The following KAZN variants were observed in gnomAD, a reference collection of about 807,000 sequenced individuals.
KAZN encodes kazrin, periplakin interacting protein.
Under a neutral mutation model 87.4 loss-of-function variants are expected in KAZN, and 40 were observed. The ratio of observed to expected loss-of-function variants is 0.46; its 90% CI spans 0.36 to 0.60. The LOEUF is 0.60. Ranked by LOEUF, KAZN falls within the 20% of genes least tolerant of loss-of-function variation. KAZN has a pLI of 0.00. For missense variants in KAZN, 898 were observed against 1,073.9 expected (o/e 0.84, Z 2.29); for synonymous variants, 466 against 458.3 (o/e 1.02, Z -0.22).
Position 14,962,178 on chromosome 1 carries a change from A to T in KAZN, c.418+1303A>T, listed in dbSNP as rs185918058. Among the ~76,000 whole-genome samples, 71 of 152,398 alleles carry T rather than the reference A, an allele frequency of 4.7e-4. 1 individual carries two copies. The East Asian group carries it at 0.014, about 29-fold the overall frequency. ...AGCAGGCCAAGAAGGCTATCTGTCC[A>T]GTGCCCAGCTGACTATCCCCCAGAA... On this transcript the variant is annotated intron_variant, in intron 2 of 14. Transcript: ENST00000376030.
chr1:14,554,099 G>A (rs1384367634), intron 2 of KAZN, among the ~76,000 whole-genome samples: 1 of 152,122 alleles, frequency 6.6e-6, no homozygotes, highest in African/African-American at 2.4e-5. Flanking sequence ...GAGGAACTTG[G>A]GGAAATCAGT....
intron 1 of KAZN, among the ~76,000 whole-genome samples, chr1:14,002,357 G>A (rs929589079): frequency 2.6e-5 from 4 of 152,222 alleles, no homozygotes; most frequent in Non-Finnish European, 5.9e-5. Context: ...CCCAGAGGGA[G>A]GTAATTGAAT....
rs752209211 is a variant in KAZN, at chr1:14,949,540, C to G, written c.227-11144C>G. Among the ~76,000 whole-genome samples, 1 of 152,170 alleles carries G rather than the reference C, an allele frequency of 6.6e-6. No individual in the cohort carries two copies. Among genetic ancestry groups the G allele is most frequent in the African/African-American group, 2.4e-5 (1 of 41,414 alleles). ...AGGTGCCTGCCTCTCCCACCCCCAC[C>G]CAGATGGTGTTTTTCGAGATTCACA... On this transcript the variant is annotated intron_variant, in intron 1 of 14. Transcript: ENST00000376030. This position sits in a 1 kb window ranked among gnomAD's most constrained non-coding sequence, Gnocchi z 4.3.
intron 2 of KAZN, among the ~76,000 whole-genome samples, chr1:14,964,100 A>G (rs1664185544): frequency 6.6e-6 from 1 of 152,170 alleles, no homozygotes; most frequent in African/African-American, 2.4e-5. Flanking sequence ...ATACGTGTAC[A>G]TGTGTCTCTA....
chr1:14,420,247 A>G (rs1474150344), intron 2 of KAZN, among the ~76,000 whole-genome samples: 1 of 152,194 alleles, frequency 6.6e-6, no homozygotes, highest in Non-Finnish European at 1.5e-5. Context: ...ACCATCCTCT[A>G]GCTAGACATA....
At chr1:14,034,344 C>T (rs566879836) in intron 1 of KAZN, among the ~76,000 whole-genome samples, 9 of 152,124 alleles carry the variant, frequency 5.9e-5, no homozygotes, top group Non-Finnish European at 8.8e-5. Flanking sequence ...AGACATCCTC[C>T]GGTGAGGCTG....
intron 1 of KAZN, among the ~76,000 whole-genome samples, chr1:14,867,956 A>AT (rs1156327735): frequency 2.0e-5 from 3 of 152,232 alleles, no homozygotes; most frequent in Non-Finnish European, 4.4e-5. Flanking sequence ...TAAGCACAGC[A>AT]TTGCATAGGC....
At chr1:14,698,805 G>A (rs561544344) in intron 1 of KAZN, among the ~76,000 whole-genome samples, 5 of 152,356 alleles carry the variant, frequency 3.3e-5, no homozygotes, top group African/African-American at 1.2e-4. Flanking sequence ...AAAATGCAAA[G>A]AATGTCCAAA....
At chr1:14,982,339 T>G (rs1399994962) in intron 2 of KAZN, among the ~76,000 whole-genome samples, 1 of 151,660 alleles carries the variant, frequency 6.6e-6, no homozygotes, top group Non-Finnish European at 1.5e-5. Context: ...TGGGCGGGCT[T>G]GGGCATGGGA....
At chr1:13,981,095 A>ATATATATATATATATATATATGTATG (rs1196413078) in intron 1 of KAZN, among the ~76,000 whole-genome samples, 2 of 104,244 alleles carry the variant, frequency 1.9e-5, no homozygotes, top group African/African-American at 7.8e-5. Context: ...CTCTTTATAT[A>ATATATATATATATATATATATGTATG]TATATATATA....
intron 1 of KAZN, among the ~76,000 whole-genome samples, chr1:14,831,414 C>T (rs1454157649): frequency 6.6e-6 from 1 of 152,174 alleles, no homozygotes; most frequent in African/African-American, 2.4e-5. Flanking sequence ...TCTTCCCTTC[C>T]CTGACCTGGC....
At chr1:14,415,575 C>T (rs1056135239) in intron 2 of KAZN, among the ~76,000 whole-genome samples, 1 of 152,132 alleles carries the variant, frequency 6.6e-6, no homozygotes, top group Non-Finnish European at 1.5e-5. Context: ...GTAGACCAGA[C>T]CTGCTAAGGA....
chr1:14,202,689 A>G (rs1035007219), intron 2 of KAZN, among the ~76,000 whole-genome samples: 1 of 152,150 alleles, frequency 6.6e-6, no homozygotes, highest in Admixed American at 6.5e-5. Context: ...TCCAAAGGGC[A>G]TATATTACAG....
At chr1:14,721,841 A>G (rs1370906010) in intron 1 of KAZN, among the ~76,000 whole-genome samples, 1 of 152,166 alleles carries the variant, frequency 6.6e-6, no homozygotes, top group African/African-American at 2.4e-5. Context: ...ACTCTGGGAT[A>G]CTGTGAGGTT....
At chr1:13,926,669 T>C (rs1640291302) in intron 1 of KAZN, among the ~76,000 whole-genome samples, 1 of 147,574 alleles carries the variant, frequency 6.8e-6, no homozygotes, top group South Asian at 2.2e-4. Flanking sequence ...AAAAAAAAAA[T>C]CTCCTGGGAA....
intron 1 of KAZN, among the ~76,000 whole-genome samples, chr1:14,694,695 C>T (rs750013559): frequency 5.3e-5 from 8 of 152,256 alleles, no homozygotes; most frequent in East Asian, 3.9e-4. Flanking sequence ...ATAGGCTGGG[C>T]GACTTAGGGA....
intron 8 of KAZN, among the ~76,000 whole-genome samples, chr1:15,076,109 C>G (rs2100610335): frequency 6.6e-6 from 1 of 152,284 alleles, no homozygotes; most frequent in Middle Eastern, 3.4e-3. Context: ...GGGAAGGAAG[C>G]AGCCTCTGAC....
chr1:14,344,516 G>A (rs1366312677), intron 2 of KAZN, among the ~76,000 whole-genome samples: 1 of 151,938 alleles, frequency 6.6e-6, no homozygotes, highest in Non-Finnish European at 1.5e-5. Context: ...CATAGCAGAA[G>A]GCAAAACAAA....
intron 14 of KAZN, chr1:15,113,660 G>A (rs6659639): frequency 0.29 from 43,039 of 147,484 alleles, 6,112 homozygotes; most frequent in South Asian, 0.32. Context: ...TTGCAGATGG[G>A]ACTTGACTTT....
Sources: allele counts gnomAD v4.1 joint callset (sites outside exome capture counted in the v4.1 genomes callset), GRCh38; gene constraint gnomAD v4.1.1; non-coding constraint Gnocchi (gnomAD v3.1); transcripts MANE v1.5; gene names NCBI Gene and HGNC (gene_info 2026-07-23, HGNC 2026-07-21).